The following PCDH11X variants were observed in gnomAD, a reference collection of about 807,000 sequenced individuals.
PCDH11X encodes the protein protocadherin 11 X-linked.
A neutral mutation model predicts 53.3 loss-of-function variants in PCDH11X; 18 were observed. The ratio of observed to expected loss-of-function variants is 0.34; its 90% CI spans 0.23 to 0.50. The LOEUF (loss-of-function observed/expected upper bound fraction) is 0.50. Ranked by LOEUF, PCDH11X falls within the 20% of genes least tolerant of loss-of-function variation. PCDH11X has a pLI of 0.98. For missense variants in PCDH11X, 570 were observed against 1,032.4 expected, an observed-to-expected ratio of 0.55 and a Z score of 6.14; for synonymous variants, 279 against 393.3, an observed-to-expected ratio of 0.71 and a Z score of 3.44.
At chrX:92,112,759 T>A (rs1409485381) in intron 6 of PCDH11X, among the ~76,000 whole-genome samples, 1 of 109,000 alleles carries the variant, frequency 9.2e-6, no homozygotes, top group Non-Finnish European at 1.9e-5. Flanking sequence ...TTTTAAATCA[T>A]GGCACCTGAG....
At chrX:91,886,695 G>A (rs1400275064) in intron 6 of PCDH11X, among the ~76,000 whole-genome samples, 1 of 108,773 alleles carries the variant, frequency 9.2e-6, no homozygotes, top group African/African-American at 3.4e-5. Flanking sequence ...TACTTGGCCG[G>A]GCGCGGTGGC....
intron 10 of PCDH11X, among the ~76,000 whole-genome samples, chrX:92,604,152 GAAAT>G (rs1926538802): frequency 9.2e-6 from 1 of 108,703 alleles, no homozygotes; most frequent in East Asian, 2.9e-4. Flanking sequence ...CACAGGAAAA[GAAAT>G]AAAAGAACAA....
intron 9 of PCDH11X, among the ~76,000 whole-genome samples, chrX:92,465,492 C>G: frequency 8.9e-6 from 1 of 111,940 alleles, no homozygotes; most frequent in Admixed American, 9.5e-5. Flanking sequence ...GCAACTGTTA[C>G]TTCTTTATTG....
At chrX:91,846,083 C>A (rs1274629287) in intron 5 of PCDH11X, among the ~76,000 whole-genome samples, 1 of 111,066 alleles carries the variant, frequency 9.0e-6, no homozygotes, top group East Asian at 2.8e-4. Context: ...AAAATGATTT[C>A]TTTCTGAAAT....
chrX:91,966,364 A>G (rs1396832836), intron 6 of PCDH11X, among the ~76,000 whole-genome samples: 1 of 110,649 alleles, frequency 9.0e-6, no homozygotes, highest in Non-Finnish European at 1.9e-5. Flanking sequence ...ACTTATTCAG[A>G]ATACTATTTC....
chrX:92,427,248 CAT>C (rs2072141378), intron 9 of PCDH11X, among the ~76,000 whole-genome samples: 1 of 107,295 alleles, frequency 9.3e-6, no homozygotes, highest in Non-Finnish European at 1.9e-5. Context: ...ATTTGGAAGA[CAT>C]AATTCTAAAA....
chrX:92,083,147 G>A (rs2063890735), intron 6 of PCDH11X, among the ~76,000 whole-genome samples: 1 of 111,681 alleles, frequency 9.0e-6, no homozygotes, highest in African/African-American at 3.3e-5. Context: ...TATCTTGTCA[G>A]AAATAATACA....
intron 10 of PCDH11X, among the ~76,000 whole-genome samples, chrX:92,605,971 C>T (rs1486233411): frequency 9.0e-6 from 1 of 110,625 alleles, no homozygotes; most frequent in Non-Finnish European, 1.9e-5. Context: ...GTGGCTGACG[C>T]CTGTAATCCC....
intron 7 of PCDH11X, among the ~76,000 whole-genome samples, chrX:92,256,055 A>T (rs1373293526): frequency 2.7e-5 from 3 of 111,805 alleles, no homozygotes; most frequent in African/African-American, 9.8e-5. Context: ...TTGCAGTTTG[A>T]TCTCAGACTG....
rs573843421 is a variant in PCDH11X at position 92,252,408 on chromosome X, C to T, written c.3115-10706C>T. 1.7e-4 allele frequency among the ~76,000 whole-genome samples: 19 copies of T among 110,664 alleles called. No individual in the cohort carries two copies. The East Asian group carries it at 3.4e-3, about 20-fold the overall frequency. On this transcript the variant is annotated intron_variant, in intron 7 of 10. Coordinates refer to ENST00000682573, the MANE Select transcript of PCDH11X (RefSeq NM_032968.5). ...ACACACACACACACACGCATGTGTGCGCACATGCATATGAAAAGCTTTCTT... is the reference window on the plus strand; with the variant it reads ...ACACACACACACACACGCATGTGTGTGCACATGCATATGAAAAGCTTTCTT...
intron 10 of PCDH11X, among the ~76,000 whole-genome samples, chrX:92,480,851 C>G (rs2073487871): frequency 9.0e-6 from 1 of 111,551 alleles, no homozygotes; most frequent in South Asian, 3.8e-4. Flanking sequence ...GTGACAGTGG[C>G]AGCACTGTGT....
Position 91,926,285 on chromosome X carries a change from C to T in PCDH11X, c.3033+47012C>T, listed in dbSNP as rs192074844. ...AGAATTCCTTCTTGCACAAGAAGGC[C>T]GGTATGTTGGTTCTATTCAGGCCTT... On this transcript the variant is annotated intron_variant, in intron 6 of 10. Coordinates refer to ENST00000682573, the MANE Select transcript of PCDH11X (RefSeq NM_032968.5). Among the ~76,000 whole-genome samples, 303 of 109,743 alleles carry T rather than the reference C, an allele frequency of 2.8e-3. 5 individuals are homozygous for T. The highest frequency in any genetic ancestry group is 9.6e-3 in the African/African-American group (290 of 30,220).
chrX:92,075,168 G>T (rs1165817777), intron 6 of PCDH11X, among the ~76,000 whole-genome samples: 1 of 109,101 alleles, frequency 9.2e-6, no homozygotes, highest in Non-Finnish European at 1.9e-5. Context: ...TACTTGAAAT[G>T]CTTTTTCTGG....
intron 6 of PCDH11X, among the ~76,000 whole-genome samples, chrX:92,183,135 C>T (rs2066024997): frequency 1.8e-5 from 2 of 111,724 alleles, no homozygotes; most frequent in South Asian, 7.5e-4. Context: ...ATCTCCACTG[C>T]TACCATTCTT....
intron 8 of PCDH11X, among the ~76,000 whole-genome samples, chrX:92,308,733 A>G (rs2068882925): frequency 9.0e-6 from 1 of 111,310 alleles, no homozygotes. Flanking sequence ...TTTGCAAACC[A>G]TATATCTCAT....
intron 10 of PCDH11X, among the ~76,000 whole-genome samples, chrX:92,469,077 CAA>C (rs2073210788): frequency 9.6e-6 from 1 of 103,737 alleles, no homozygotes; most frequent in East Asian, 3.0e-4. Context: ...TTCTTTATAA[CAA>C]TAATTTATTT....
At chrX:91,857,625 T>C (rs959687938) in intron 5 of PCDH11X, among the ~76,000 whole-genome samples, 4 of 111,696 alleles carry the variant, frequency 3.6e-5, no homozygotes, top group Non-Finnish European at 7.5e-5. Flanking sequence ...TTGGCCAAAA[T>C]AAAGGGGCTA....
In PCDH11X at chrX:91,835,893, A is replaced by G. The variant is rs755402546; in HGVS notation, c.389A>G (p.Glu130Gly). 1.7e-6 allele frequency: 2 copies of G among 1,208,980 alleles called. No homozygotes were observed. The highest frequency in any genetic ancestry group is 2.2e-6 in the Non-Finnish European group (2 of 894,228). ...CTGGTTAAGATACGTTTTCTGATAG[A>G]AGATATAAATGATAATGCACCATTG... is the stretch of plus-strand genomic sequence containing the variant. ...FRLVKIRFLIEDINDNAPLFP... is the reference protein window; with the variant it reads ...FRLVKIRFLIGDINDNAPLFP... The change falls in exon 5 of 11, where the codon GAA becomes GGA. Residue 130 changes from glutamate to glycine, a missense_variant. Around this residue, in one of 6 missense-constraint regions of PCDH11X, gnomAD observed 84 missense variants for 142.0 expected, o/e 0.59. Transcript: ENST00000682573.
chrX:91,816,178 G>C (rs1417565697), intron 4 of PCDH11X, among the ~76,000 whole-genome samples: 1 of 111,221 alleles, frequency 9.0e-6, no homozygotes, highest in African/African-American at 3.3e-5. Context: ...ATATAAGTTT[G>C]TTTTATGTAT....
Sources: gnomAD v4.1 joint callset for allele counts (sites outside exome capture counted in the v4.1 genomes callset) on GRCh38, gnomAD v4.1.1 for gene constraint, gnomAD v4.1.1 regional missense constraint, MANE v1.5 for transcripts, NCBI Gene and HGNC (gene_info 2026-07-23, HGNC 2026-07-21) for gene names.